Variants in COQ10B observed in about 807,000 individuals in gnomAD.
COQ10B encodes coenzyme Q10B.
A neutral mutation model predicts 27.6 loss-of-function variants in COQ10B; 12 were observed. That is an observed-to-expected ratio of 0.43 (90% CI 0.28 to 0.70). COQ10B has a LOEUF of 0.70. Ranked by LOEUF, COQ10B falls within the 30% of genes least tolerant of loss-of-function variation. COQ10B has a pLI of 0.17. For synonymous variants in COQ10B, 115 were observed against 103.0 expected, an observed-to-expected ratio of 1.12 and a Z score of -0.71; for missense variants, 278 against 288.7, an observed-to-expected ratio of 0.96 and a Z score of 0.27.
At chr2:197,460,114 C>T (rs2085740745) in intron 2 of COQ10B, 33 bp downstream of exon 2, 1 of 1,508,136 alleles carries the variant, frequency 6.6e-7, no homozygotes, top group Non-Finnish European at 9.1e-7. Context: ...ACTAAAAGAG[C>T]ATGTTCACAA....
intron 1 of COQ10B, among the ~76,000 whole-genome samples, chr2:197,458,168 G>A (rs767723324): frequency 1.3e-5 from 2 of 150,690 alleles, no homozygotes; most frequent in Non-Finnish European, 3.0e-5. Flanking sequence ...CCAGGCTGGA[G>A]TGCAGTGGTG....
chr2:197,471,636 T>A (rs2085878299), intron 4 of COQ10B, among the ~76,000 whole-genome samples: 1 of 152,068 alleles, frequency 6.6e-6, no homozygotes, highest in African/African-American at 2.4e-5. Flanking sequence ...ATTAAAGCAT[T>A]ATAGACATTA....
chr2:197,460,033 C>A lies in COQ10B; in HGVS notation c.206C>A (p.Ala69Glu), dbSNP rs1181554315. 6.8e-6 allele frequency: 11 copies of A among 1,610,768 alleles called. No individual in the cohort carries two copies. In the Admixed American group the frequency reaches 1.8e-4, roughly 27 times the overall value. The change falls in exon 2 of 5, where the codon GCA (alanine) becomes GAA (glutamate). Residue 69 changes from alanine to glutamate, a missense_variant. By Grantham distance (107) the Ala-to-Glu change is moderately radical. This residue lies in a region of COQ10B where 183 missense variants were observed against 158.2 expected (regional missense o/e 1.16). Coordinates refer to ENST00000263960, the MANE Select transcript of COQ10B (RefSeq NM_025147.5). ...ICARTFFKIT[A>E]PLINKRKEYS... ...GCACGAACTTTCTTCAAAATCACTG[C>A]ACCATTAATAAACAAAAGGAAAGAA...
intron 3 of COQ10B, among the ~76,000 whole-genome samples, chr2:197,464,380 T>C (rs1391250620): frequency 6.6e-6 from 1 of 152,118 alleles, no homozygotes; most frequent in Non-Finnish European, 1.5e-5. Context: ...CCAAATACCT[T>C]AGTCAGCTCT....
At chr2:197,470,994 G>A (rs933883632) in intron 4 of COQ10B, among the ~76,000 whole-genome samples, 2 of 152,108 alleles carry the variant, frequency 1.3e-5, no homozygotes, top group African/African-American at 2.4e-5. Flanking sequence ...TGAGTCCAAG[G>A]GTTCGAGCTT....
At chr2:197,463,645 AAAT>A (rs2085785480) in intron 3 of COQ10B, among the ~76,000 whole-genome samples, 1 of 148,454 alleles carries the variant, frequency 6.7e-6, no homozygotes, top group African/African-American at 2.5e-5. Flanking sequence ...AAAAATATAA[AAAT>A]ATTGGGGGGC....
Sources: gnomAD v4.1 joint callset for allele counts (sites outside exome capture counted in the v4.1 genomes callset) on GRCh38, gnomAD v4.1.1 for gene constraint, gnomAD v4.1.1 regional missense constraint, MANE v1.5 for transcripts, NCBI Gene and HGNC (gene_info 2026-07-23, HGNC 2026-07-21) for gene names.